The following FBXO34 variants were observed in gnomAD, a reference collection of about 807,000 sequenced individuals.
FBXO34 encodes F-box protein 34.
In FBXO34, 12 loss-of-function variants were observed where a neutral mutation model predicts 24.5. The ratio of observed to expected loss-of-function variants is 0.49; its 90% CI spans 0.31 to 0.79. The LOEUF (loss-of-function observed/expected upper bound fraction) is 0.79. Ranked by LOEUF, FBXO34 falls within the 30% of genes least tolerant of loss-of-function variation. The pLI is 0.04. For synonymous variants in FBXO34, 320 were observed against 311.9 expected (o/e 1.03, Z -0.27); for missense variants, 823 against 857.7 (o/e 0.96, Z 0.51).
chr14:55,292,314 T>C (rs1881969019), intron 1 of FBXO34, among the ~76,000 whole-genome samples: 1 of 152,200 alleles, frequency 6.6e-6, no homozygotes, highest in African/African-American at 2.4e-5. Context: ...AAAAACTTCA[T>C]AGTAATTTTC....
chr14:55,416,447 T>A, the FBXO34 span, among the ~76,000 whole-genome samples: 1 of 151,618 alleles, frequency 6.6e-6, no homozygotes. Context: ...AGGAAAAAAA[T>A]AAAAAGAGAA....
At chr14:55,347,921 T>C (rs1884211880) in intron 1 of FBXO34, among the ~76,000 whole-genome samples, 1 of 152,228 alleles carries the variant, frequency 6.6e-6, no homozygotes, top group Admixed American at 6.5e-5. Context: ...TTTTCAACAC[T>C]TCCATTTCTT....
At chr14:55,436,040 A>AG in the FBXO34 span, 3 of 634,300 alleles carry the variant, frequency 4.7e-6, no homozygotes, top group Non-Finnish European at 7.7e-6. Context: ...GCAATTTCCT[A>AG]GGGGGAGAAT....
At chr14:55,290,793 A>G (rs1483452614) in intron 1 of FBXO34, among the ~76,000 whole-genome samples, 1 of 152,146 alleles carries the variant, frequency 6.6e-6, no homozygotes, top group Non-Finnish European at 1.5e-5. Context: ...ATTATAAACA[A>G]TGCTGCAGTG....
At chr14:55,318,601 G>A (rs1023233868) in intron 1 of FBXO34, among the ~76,000 whole-genome samples, 1 of 150,756 alleles carries the variant, frequency 6.6e-6, no homozygotes, top group African/African-American at 2.4e-5. Flanking sequence ...CTGGCCTCAA[G>A]TGATCCTCTT....
chr14:55,327,266 T>C (rs755775996), intron 1 of FBXO34, among the ~76,000 whole-genome samples: 2 of 152,160 alleles, frequency 1.3e-5, no homozygotes, highest in African/African-American at 2.4e-5. Context: ...GATGTCTCAT[T>C]GGAGCAGAGT....
chr14:55,287,308 G>T (rs1881795626), intron 1 of FBXO34, among the ~76,000 whole-genome samples: 1 of 152,168 alleles, frequency 6.6e-6, no homozygotes, highest in Non-Finnish European at 1.5e-5. Context: ...GTTAGCAAAG[G>T]TGTCACAATC....
At chr14:55,379,704 G>C in the FBXO34 span, among the ~76,000 whole-genome samples, 10 of 152,174 alleles carry the variant, frequency 6.6e-5, no homozygotes, top group Non-Finnish European at 1.5e-4. Flanking sequence ...TGGGTAGGCT[G>C]TATATCTTTA....
the FBXO34 span, among the ~76,000 whole-genome samples, chr14:55,405,968 G>A: frequency 1.3e-5 from 2 of 152,096 alleles, no homozygotes; most frequent in East Asian, 1.9e-4. Context: ...TGGGGGATGA[G>A]GAAAGGATGA....
the FBXO34 span, among the ~76,000 whole-genome samples, chr14:55,419,235 A>G: frequency 6.6e-6 from 1 of 152,230 alleles, no homozygotes; most frequent in Non-Finnish European, 1.5e-5. Flanking sequence ...CAGCTGCTTG[A>G]TATCGTTAAG....
At chr14:55,383,376 T>C in the FBXO34 span, among the ~76,000 whole-genome samples, 1 of 151,608 alleles carries the variant, frequency 6.6e-6, no homozygotes, top group Non-Finnish European at 1.5e-5. Flanking sequence ...CATGGTGAAA[T>C]GCCATCGCTA....
intron 1 of FBXO34, among the ~76,000 whole-genome samples, chr14:55,287,936 T>A (rs1334861723): frequency 2.0e-5 from 3 of 152,222 alleles, no homozygotes; most frequent in African/African-American, 7.2e-5. Context: ...CATTGTTGTG[T>A]GCCTGTGTTT....
At chr14:55,349,607 C>CTTT (rs57284715) in intron 1 of FBXO34, among the ~76,000 whole-genome samples, 6,856 of 116,408 alleles carry the variant, frequency 0.059, 417 homozygotes, top group South Asian at 0.087. Context: ...CAATAATTTT[C>CTTT]TTTTTTTTTT....
chr14:55,394,522 GC>G, the FBXO34 span, among the ~76,000 whole-genome samples: 3 of 152,220 alleles, frequency 2.0e-5, no homozygotes, highest in East Asian at 5.8e-4. Context: ...ACATTGATAA[GC>G]TGTTACGCAT....
At chr14:55,437,345 G>A in the FBXO34 span, among the ~76,000 whole-genome samples, 6 of 152,232 alleles carry the variant, frequency 3.9e-5, no homozygotes. Flanking sequence ...GAGCATGGTA[G>A]TGCCTGCCTG....
chr14:55,308,026 C>G (rs1882611694), intron 1 of FBXO34, among the ~76,000 whole-genome samples: 1 of 152,170 alleles, frequency 6.6e-6, no homozygotes, highest in Non-Finnish European at 1.5e-5. Context: ...GGTAATAAGT[C>G]TCACGAGATC....
chr14:55,399,001 G>C, the FBXO34 span, among the ~76,000 whole-genome samples: 4 of 152,076 alleles, frequency 2.6e-5, no homozygotes, highest in African/African-American at 4.8e-5. Context: ...CTATTTCCCA[G>C]CAAAAAGGAA....
At chr14:55,319,468 C>T (rs898526839) in intron 1 of FBXO34, among the ~76,000 whole-genome samples, 21 of 152,206 alleles carry the variant, frequency 1.4e-4, no homozygotes, top group Non-Finnish European at 5.9e-5. Context: ...CTTCTTCCCT[C>T]ACTATGGTTT....
At chr14:55,430,346 G>A in the FBXO34 span, among the ~76,000 whole-genome samples, 10 of 138,878 alleles carry the variant, frequency 7.2e-5, no homozygotes, top group African/African-American at 2.5e-4. Flanking sequence ...TTGGGTATTC[G>A]TTACTACATA....
Sources: allele counts gnomAD v4.1 joint callset (sites outside exome capture counted in the v4.1 genomes callset), GRCh38; gene constraint gnomAD v4.1.1; transcripts MANE v1.5; gene names NCBI Gene and HGNC (gene_info 2026-07-23, HGNC 2026-07-21).